GDA: variants seen among roughly 807,000 people sequenced by gnomAD.
GDA encodes cytoplasmic PSD-95 interactor.
In GDA, 18 loss-of-function variants were observed where a neutral mutation model predicts 59.6. The ratio of observed to expected loss-of-function variants is 0.30; its 90% CI spans 0.21 to 0.45. The LOEUF is 0.45. Among genes scored for constraint, GDA ranks in the 20% least tolerant of loss-of-function variants. The probability of loss-of-function intolerance (pLI) is 1.00; values close to 1 mark genes in which losing one functional copy is unlikely to be tolerated. For synonymous variants in GDA, 201 were observed against 201.1 expected, an observed-to-expected ratio of 1.00 and a Z score of 0.00; for missense variants, 427 against 552.3, an observed-to-expected ratio of 0.77 and a Z score of 2.27.
At chr9:72,259,098 C>T (rs1009199819), downstream of GDA, among the ~76,000 whole-genome samples, 6 of 150,982 alleles carry the variant, frequency 4.0e-5, no homozygotes, top group Non-Finnish European at 7.4e-5. Context: ...GATCTCGGCT[C>T]ACTGCAACCT....
chr9:72,202,427 G>C, intron 2 of GDA, 144 bp from the exon 3 acceptor site: 1 of 580,902 alleles, frequency 1.7e-6, no homozygotes, highest in Non-Finnish European at 3.0e-6. Flanking sequence ...TAAATAATTG[G>C]AGAATTTACA....
chr9:72,149,601 A>C lies in GDA; in HGVS notation c.42A>C (p.Arg14=), dbSNP rs1326310703. Residue 14 remains arginine (R), a synonymous_variant, in exon 1 of 14, where the codon CGA becomes CGC. Coordinates refer to ENST00000358399, the MANE Select transcript of GDA (RefSeq NM_004293.5). ...AQMPPLAHIF[R]GTFVHSTWTC... is the part of the protein sequence containing the mutation. ...TGCCGCCCCTGGCGCACATCTTCCG[A>C]GGGACGTTCGTCCACTCCACCTGGA... The C allele has an allele frequency of 2.5e-6, 4 of 1,611,370 alleles. No individual in the cohort carries two copies. The highest frequency in any genetic ancestry group is 3.4e-6 in the Non-Finnish European group (4 of 1,179,086).
rs1587817216 is a variant in GDA, at chr9:72,249,757, C to G, written c.*1415C>G. 1 of 846,626 alleles carries G rather than the reference C, an allele frequency of 1.2e-6. No homozygotes were observed. The highest frequency in any genetic ancestry group is 1.2e-4 in the East Asian group (1 of 8,200). The allele number at this position is 846,626 out of a possible 1,614,324, so 52.4% of individuals were successfully genotyped here. ...TCTTAATATATTATAACACTCATTC[C>G]TAGAGCTTAGGGGTGACTCTTTAAT... On this transcript the variant is annotated 3_prime_UTR_variant, in exon 14 of 14. Transcript: ENST00000358399.
rs756706303 is a variant in GDA, at chr9:72,189,457, C to T, written c.124-6043C>T. Among the ~76,000 whole-genome samples, 78 of 152,144 alleles carry T rather than the reference C, an allele frequency of 5.1e-4. 1 individual carries two copies. Among genetic ancestry groups the T allele is most frequent in the Admixed American group, 2.4e-3 (37 of 15,296 alleles). On this transcript the variant is annotated intron_variant, in intron 1 of 13. Transcript: ENST00000358399. Reference sequence around the variant, plus strand: ...CCTCCCAAAGTGCTGGGATTACAGGCGTAAGCCACCACGCCTGACCTGAGA... The same window carrying T: ...CCTCCCAAAGTGCTGGGATTACAGGTGTAAGCCACCACGCCTGACCTGAGA...
At chr9:72,138,998 G>A (rs1826345449) in intron 1 of GDA, among the ~76,000 whole-genome samples, 1 of 152,128 alleles carries the variant, frequency 6.6e-6, no homozygotes, top group African/African-American at 2.4e-5. Context: ...ATCTTTCCAT[G>A]CATTTCGTGT....
chr9:72,255,421 C>T (rs1248187537), downstream of GDA, among the ~76,000 whole-genome samples: 1 of 152,112 alleles, frequency 6.6e-6, no homozygotes, highest in Non-Finnish European at 1.5e-5. Flanking sequence ...TTCACTTTAT[C>T]CTGTTTAGAC....
intron 5 of GDA, among the ~76,000 whole-genome samples, chr9:72,215,275 C>T (rs1197045806): frequency 6.6e-6 from 1 of 151,698 alleles, no homozygotes; most frequent in African/African-American, 2.4e-5. Context: ...TAAAAGATAC[C>T]AAAGTAATAT....
intron 3 of GDA, 25 bp from the exon 4 acceptor site, chr9:72,210,662 C>T (rs201591902): frequency 2.5e-5 from 33 of 1,333,384 alleles, no homozygotes; most frequent in South Asian, 1.5e-4. Flanking sequence ...ACACGTGATT[C>T]GCGGTTTTTG....
intron 10 of GDA, among the ~76,000 whole-genome samples, chr9:72,232,136 A>C (rs183525828): frequency 3.9e-5 from 6 of 152,316 alleles, no homozygotes; most frequent in Non-Finnish European, 1.5e-5. Context: ...TTTATGACTG[A>C]ATGACTGAAT....
At chr9:72,258,405 C>T (rs977280592), downstream of GDA, among the ~76,000 whole-genome samples, 1 of 152,196 alleles carries the variant, frequency 6.6e-6, no homozygotes, top group African/African-American at 2.4e-5. Context: ...GGCAGTCACA[C>T]TTCTGAAGAT....
At chr9:72,184,678 A>G (rs1831651915) in intron 1 of GDA, among the ~76,000 whole-genome samples, 1 of 152,190 alleles carries the variant, frequency 6.6e-6, no homozygotes, top group Admixed American at 6.6e-5. Flanking sequence ...CTACTACAGA[A>G]TGATACTTGT....
At position 72,231,139 on chromosome 9, in the gene GDA, C is replaced by A; in HGVS notation, c.946C>A (p.Leu316Ile). Residue 316 changes from leucine (L) to isoleucine (I), a missense_variant, in exon 10 of 14, where the codon CTA (leucine) becomes ATA (isoleucine). Physicochemically the swap from Leu to Ile is conservative, Grantham distance 5 (BLOSUM62 2). Coordinates refer to ENST00000358399, the MANE Select transcript of GDA (RefSeq NM_004293.5). ...GCTCAGCAGTGGATTTCTAAATGTG[C>A]TAGAAGTCCTGAAACATGAAGTCAA... is the stretch of plus-strand genomic sequence containing the variant. Reference protein sequence around the residue: ...LSLSSGFLNVLEVLKHEVKIG... With the variant: ...LSLSSGFLNVIEVLKHEVKIG... The A allele has an allele frequency of 1.9e-6, 3 of 1,595,122 alleles. No individual in the cohort carries two copies. The highest frequency in any genetic ancestry group is 2.6e-6 in the Non-Finnish European group (3 of 1,162,768).
chr9:72,150,128 A>G (rs1827004394), intron 1 of GDA, among the ~76,000 whole-genome samples: 1 of 152,186 alleles, frequency 6.6e-6, no homozygotes, highest in African/African-American at 2.4e-5. Flanking sequence ...GGAGGGGGTC[A>G]TTTGATTGAT....
At chr9:72,154,895 T>C (rs186433180) in intron 1 of GDA, among the ~76,000 whole-genome samples, 1 of 152,302 alleles carries the variant, frequency 6.6e-6, no homozygotes, top group African/African-American at 2.4e-5. Context: ...AGCCAAACAC[T>C]GGGGTTTTCA....
chr9:72,145,947 C>A (rs2130667939), upstream of GDA, among the ~76,000 whole-genome samples: 1 of 152,214 alleles, frequency 6.6e-6, no homozygotes, highest in African/African-American at 2.4e-5. Flanking sequence ...TTGAGCACCT[C>A]CTAGTGACCA....
chr9:72,184,675 A>G (rs1831651487), intron 1 of GDA, among the ~76,000 whole-genome samples: 1 of 152,226 alleles, frequency 6.6e-6, no homozygotes, highest in Non-Finnish European at 1.5e-5. Context: ...TTTCTACTAC[A>G]GAATGATACT....
chr9:72,229,739 C>T (rs972076910), intron 9 of GDA, among the ~76,000 whole-genome samples: 13 of 152,250 alleles, frequency 8.5e-5, no homozygotes, highest in African/African-American at 3.1e-4. Context: ...AGTTGGAAAT[C>T]TAGGGACTTT....
chr9:72,154,683 A>G (rs971265394), intron 1 of GDA, among the ~76,000 whole-genome samples: 1 of 152,232 alleles, frequency 6.6e-6, no homozygotes, highest in Non-Finnish European at 1.5e-5. Flanking sequence ...TTCCACTAAC[A>G]GATGAGGAAG....
chr9:72,214,000 C>A lies in GDA; in HGVS notation c.578+9C>A, dbSNP rs1389097209. Reference sequence around the variant, plus strand: ...ATCAAGGAAACTGAGAGGTAAAAGGCCCATTTGTCTTGATTTGTCTTACAG... The same window carrying A: ...ATCAAGGAAACTGAGAGGTAAAAGGACCATTTGTCTTGATTTGTCTTACAG... On this transcript the variant is annotated intron_variant, in intron 5 of 13. Coordinates refer to ENST00000358399, the MANE Select transcript of GDA (RefSeq NM_004293.5). The A allele has an allele frequency of 3.5e-6, 5 of 1,416,760 alleles. No homozygotes were observed. Among genetic ancestry groups the A allele is most frequent in the East Asian group, 2.3e-5 (1 of 44,000 alleles). 87.8% of individuals were successfully genotyped at this position (1,416,760 alleles called of 1,614,324 possible).
Sources: allele counts gnomAD v4.1 joint callset (sites outside exome capture counted in the v4.1 genomes callset), GRCh38; gene constraint gnomAD v4.1.1; transcripts MANE v1.5; gene names NCBI Gene and HGNC (gene_info 2026-07-23, HGNC 2026-07-21).